STOML3: variants seen among roughly 807,000 people sequenced by gnomAD.
The protein encoded by STOML3 is stomatin-like protein 3.
STOML3 carries 31 observed loss-of-function variants against 29.5 expected under a neutral mutation model. That is an observed-to-expected ratio of 1.05 (90% CI 0.79 to 1.42). STOML3 has a LOEUF of 1.42. Ranked by LOEUF, STOML3 falls within the 40% of genes most tolerant of loss-of-function variation. The pLI, the probability that STOML3 is intolerant of heterozygous loss-of-function variation, is 0.00. For missense variants in STOML3, 380 were observed against 363.0 expected (o/e 1.05, Z -0.38); for synonymous variants, 122 against 139.8 (o/e 0.87, Z 0.90).
At chr13:38,988,209 A>T (rs1190872341) in intron 1 of STOML3, among the ~76,000 whole-genome samples, 1 of 69,564 alleles carries the variant, frequency 1.4e-5, no homozygotes, top group African/African-American at 8.8e-5. Context: ...TTTCATATAA[A>T]ATATATGATA....
intron 1 of STOML3, among the ~76,000 whole-genome samples, chr13:38,987,270 C>G (rs1266906029): frequency 6.6e-6 from 1 of 152,060 alleles, no homozygotes; most frequent in Non-Finnish European, 1.5e-5. Context: ...TGCCTGTAAT[C>G]CTAGCACTTT....
intron 5 of STOML3, 130 bp from the exon 6 acceptor site, chr13:38,968,664 G>A: frequency 1.8e-6 from 2 of 1,087,196 alleles, no homozygotes; most frequent in Non-Finnish European, 2.6e-6. Context: ...AGCATTTGGA[G>A]TGAGACAATT....
At chr13:38,988,370 T>A (rs866909020) in intron 1 of STOML3, among the ~76,000 whole-genome samples, 3 of 92,270 alleles carry the variant, frequency 3.3e-5, no homozygotes, top group Admixed American at 1.5e-4. Flanking sequence ...TTTTATATAA[T>A]ATATTATATT....
chr13:38,979,877 C>T (rs1340262197), intron 1 of STOML3, among the ~76,000 whole-genome samples: 1 of 152,136 alleles, frequency 6.6e-6, no homozygotes. Context: ...GTTCAGAAAC[C>T]TTGGGCTGTT....
chr13:38,980,106 G>A (rs1383773834), intron 1 of STOML3: 1 of 1,551,686 alleles, frequency 6.4e-7, no homozygotes, highest in South Asian at 1.2e-5. Context: ...ACGTGCACAT[G>A]AGGCTCAGCT....
chr13:38,971,229 C>T lies in STOML3; in HGVS notation c.313-841G>A, dbSNP rs146922511. Among the ~76,000 whole-genome samples, 29 of 152,190 alleles carry T rather than the reference C, an allele frequency of 1.9e-4. 1 individual carries two copies. The East Asian group carries it at 4.6e-3, about 24-fold the overall frequency. ...TGTATTTTTAGTAGAGATGAGGTTT[C>T]GCCATGTTGGCCAGGCTGGTCTTGA... is the stretch of plus-strand genomic sequence containing the variant. On this transcript the variant is annotated intron_variant, in intron 4 of 6. Transcript: ENST00000379631.
intron 4 of STOML3, among the ~76,000 whole-genome samples, chr13:38,971,274 C>A (rs1456103181): frequency 1.3e-5 from 2 of 152,096 alleles, no homozygotes; most frequent in African/African-American, 4.8e-5. Context: ...CTTAAGTAAT[C>A]CTCCTGCCTC....
At chr13:38,979,862 TTGG>T (rs1881212909) in intron 1 of STOML3, among the ~76,000 whole-genome samples, 1 of 152,172 alleles carries the variant, frequency 6.6e-6, no homozygotes, top group African/African-American at 2.4e-5. Flanking sequence ...ACTGAAATAT[TTGG>T]TGTTCAGAAA....
chr13:38,989,929 A>C (rs893497572), intron 1 of STOML3, among the ~76,000 whole-genome samples: 3 of 151,142 alleles, frequency 2.0e-5, no homozygotes, highest in African/African-American at 7.3e-5. Context: ...CACCATCATC[A>C]CACACACACA....
intron 6 of STOML3, 123 bp from the exon 7 acceptor site, chr13:38,967,172 T>TA: frequency 1.2e-6 from 1 of 835,506 alleles, no homozygotes; most frequent in Non-Finnish European, 1.8e-6. Flanking sequence ...GTGTTTCATC[T>TA]ACTTCTTTGG....
At chr13:38,978,159 T>C in intron 1 of STOML3, among the ~76,000 whole-genome samples, 1 of 151,480 alleles carries the variant, frequency 6.6e-6, no homozygotes, top group Non-Finnish European at 1.5e-5. Flanking sequence ...TTTACTTTTA[T>C]TTTTATTTTT....
intron 1 of STOML3, among the ~76,000 whole-genome samples, chr13:38,982,351 T>C (rs926296011): frequency 1.3e-5 from 2 of 152,132 alleles, no homozygotes; most frequent in Non-Finnish European, 2.9e-5. Flanking sequence ...GTTTCATTAA[T>C]GGGATATACT....
intron 1 of STOML3, among the ~76,000 whole-genome samples, chr13:38,985,642 C>T (rs924257264): frequency 6.6e-6 from 1 of 151,894 alleles, no homozygotes; most frequent in Non-Finnish European, 1.5e-5. Context: ...TAAATGAAAA[C>T]CACCCTGAAA....
intron 1 of STOML3, among the ~76,000 whole-genome samples, chr13:38,981,712 C>T (rs1156751811): frequency 6.6e-6 from 1 of 151,986 alleles, no homozygotes. Context: ...TCAAAACCAC[C>T]GTAAGATTCC....
intron 3 of STOML3, among the ~76,000 whole-genome samples, chr13:38,973,182 T>A (rs1880950942): frequency 6.8e-6 from 1 of 147,634 alleles, no homozygotes; most frequent in African/African-American, 2.5e-5. Flanking sequence ...CTCGGGAGGC[T>A]GAAGCAGAAG....
At chr13:38,976,509 C>T (rs1881077676) in intron 3 of STOML3, 31 bp downstream of exon 3, 1 of 1,610,998 alleles carries the variant, frequency 6.2e-7, no homozygotes, top group Non-Finnish European at 8.5e-7. Flanking sequence ...TGTCCCTGAT[C>T]TTTCAGGGGC....
intron 1 of STOML3, among the ~76,000 whole-genome samples, chr13:38,985,240 A>G (rs1868463002): frequency 6.6e-6 from 1 of 152,108 alleles, no homozygotes; most frequent in African/African-American, 2.4e-5. Context: ...CCTGGCCAAC[A>G]TGGTGAAACC....
chr13:38,968,255 C>T, intron 6 of STOML3, 145 bp downstream of exon 6: 2 of 1,248,486 alleles, frequency 1.6e-6, no homozygotes, highest in South Asian at 1.6e-5. Context: ...CCTTTTAATT[C>T]AGGGAAAATT....
intron 1 of STOML3, among the ~76,000 whole-genome samples, chr13:38,987,274 GC>G (rs1868617679): frequency 6.6e-6 from 1 of 152,064 alleles, no homozygotes; most frequent in African/African-American, 2.4e-5. Flanking sequence ...TGTAATCCTA[GC>G]ACTTTGGGAG....
Sources: allele counts gnomAD v4.1 joint callset (sites outside exome capture counted in the v4.1 genomes callset), GRCh38; gene constraint gnomAD v4.1.1; transcripts MANE v1.5; gene names NCBI Gene and HGNC (gene_info 2026-07-23, HGNC 2026-07-21).